Variants in BCKDHB observed in about 807,000 individuals in gnomAD.
BCKDHB encodes 2-oxoisovalerate dehydrogenase subunit beta, mitochondrial.
A neutral mutation model predicts 48.5 loss-of-function variants in BCKDHB; 41 were observed. The ratio of observed to expected loss-of-function variants is 0.85; its 90% CI spans 0.66 to 1.10. The LOEUF (loss-of-function observed/expected upper bound fraction) is 1.10, where lower values mean the gene tolerates loss of function less well. BCKDHB is among the 50% of genes least tolerant of loss of function. BCKDHB has a pLI of 0.00. For synonymous variants in BCKDHB, 201 were observed against 174.8 expected, an observed-to-expected ratio of 1.15 and a Z score of -1.18; for missense variants, 496 against 494.2, an observed-to-expected ratio of 1.00 and a Z score of -0.03.
the BCKDHB span, among the ~76,000 whole-genome samples, chr6:80,359,751 C>T: frequency 1.1e-4 from 16 of 152,022 alleles, no homozygotes; most frequent in African/African-American, 3.4e-4. Context: ...CGTGCCACCA[C>T]GCCTGGCTAA....
chr6:80,298,997 T>A (rs1582528401), intron 9 of BCKDHB, among the ~76,000 whole-genome samples: 1 of 152,148 alleles, frequency 6.6e-6, no homozygotes, highest in Non-Finnish European at 1.5e-5. Context: ...GCAAGGCAGA[T>A]TAATCCAAAG....
chr6:80,158,286 G>C (rs1479406567), intron 3 of BCKDHB, among the ~76,000 whole-genome samples: 15 of 152,074 alleles, frequency 9.9e-5, no homozygotes, highest in Non-Finnish European at 2.1e-4. Context: ...TTTGTTTCTG[G>C]TTGATTTTTA....
At chr6:80,365,115 C>G in the BCKDHB span, among the ~76,000 whole-genome samples, 1 of 152,138 alleles carries the variant, frequency 6.6e-6, no homozygotes, top group African/African-American at 2.4e-5. Flanking sequence ...AGATCACATG[C>G]TTCTGAGGGA....
chr6:80,127,021 A>C (rs532494047), intron 1 of BCKDHB, among the ~76,000 whole-genome samples: 1 of 152,282 alleles, frequency 6.6e-6, no homozygotes, highest in Non-Finnish European at 1.5e-5. Context: ...AGACAATAAG[A>C]AGGACTAAAT....
At chr6:80,254,065 C>T (rs1029229923) in intron 8 of BCKDHB, among the ~76,000 whole-genome samples, 52 of 152,022 alleles carry the variant, frequency 3.4e-4, no homozygotes, top group Non-Finnish European at 3.7e-4. Flanking sequence ...TTTATCGAGG[C>T]ATGTGCAATG....
intron 8 of BCKDHB, among the ~76,000 whole-genome samples, chr6:80,207,900 A>G (rs1774742596): frequency 6.6e-6 from 1 of 151,860 alleles, no homozygotes; most frequent in African/African-American, 2.4e-5. Context: ...AGGTATGAAC[A>G]TATTCACAGT....
intron 9 of BCKDHB, among the ~76,000 whole-genome samples, chr6:80,319,111 T>C (rs1768586967): frequency 6.6e-6 from 1 of 152,216 alleles, no homozygotes; most frequent in Non-Finnish European, 1.5e-5. Flanking sequence ...ATGACACTAC[T>C]AACCAGATAA....
At chr6:80,379,755 A>G in the BCKDHB span, among the ~76,000 whole-genome samples, 117 of 82,354 alleles carry the variant, frequency 1.4e-3, no homozygotes, top group Non-Finnish European at 1.0e-4. Flanking sequence ...AAGTCTCCGG[A>G]TACGAAATCA....
At chr6:80,322,961 T>G (rs1455343722) in intron 9 of BCKDHB, among the ~76,000 whole-genome samples, 1 of 151,598 alleles carries the variant, frequency 6.6e-6, no homozygotes, top group Admixed American at 6.6e-5. Flanking sequence ...TTAACTAATC[T>G]TGATGAATCA....
At chr6:80,415,481 G>A in the BCKDHB span, among the ~76,000 whole-genome samples, 6,152 of 152,184 alleles carry the variant, frequency 0.04, 398 homozygotes, top group African/African-American at 0.14. Flanking sequence ...TTAACATGAA[G>A]GGGTGTTGAA....
chr6:80,118,192 G>A (rs1769810407), intron 1 of BCKDHB, among the ~76,000 whole-genome samples: 1 of 152,094 alleles, frequency 6.6e-6, no homozygotes, highest in African/African-American at 2.4e-5. Flanking sequence ...CATATTGTGG[G>A]TTTGGCTCCA....
At chr6:80,363,451 G>A in the BCKDHB span, among the ~76,000 whole-genome samples, 1 of 152,240 alleles carries the variant, frequency 6.6e-6, no homozygotes, top group South Asian at 2.1e-4. Context: ...TCAAATAAAA[G>A]ATCATCAGAA....
chr6:80,437,878 T>G, the BCKDHB span, among the ~76,000 whole-genome samples: 1 of 152,250 alleles, frequency 6.6e-6, no homozygotes, highest in Non-Finnish European at 1.5e-5. Context: ...TATATTGAAT[T>G]GAAAAGTGAT....
the BCKDHB span, among the ~76,000 whole-genome samples, chr6:80,400,530 A>G: frequency 3.3e-5 from 5 of 152,094 alleles, no homozygotes; most frequent in Admixed American, 6.6e-5. Context: ...AATCCATATC[A>G]CTCTAGTCAG....
chr6:80,228,910 C>T (rs1274796251), intron 8 of BCKDHB, among the ~76,000 whole-genome samples: 1 of 152,116 alleles, frequency 6.6e-6, no homozygotes, highest in Non-Finnish European at 1.5e-5. Flanking sequence ...TCCAACCTTC[C>T]AGGGAGAGCT....
intron 1 of BCKDHB, among the ~76,000 whole-genome samples, chr6:80,113,207 A>G (rs1289354714): frequency 6.6e-6 from 1 of 152,168 alleles, no homozygotes; most frequent in African/African-American, 2.4e-5. Flanking sequence ...ACTGCAACAC[A>G]CGTAAGGATC....
chr6:80,322,896 C>CTTTTTTTTTTTTTTTTTT (rs34177726), intron 9 of BCKDHB, among the ~76,000 whole-genome samples: 27 of 115,548 alleles, frequency 2.3e-4, no homozygotes, highest in Middle Eastern at 4.8e-3. Context: ...TTTCTTTTTT[C>CTTTTTTTTTTTTTTTTTT]TTTTTTTTTT....
At chr6:80,374,635 G>A in the BCKDHB span, 2 of 513,086 alleles carry the variant, frequency 3.9e-6, no homozygotes, top group East Asian at 7.0e-5. Flanking sequence ...GGAGCATTTA[G>A]GCCATTTACA....
the BCKDHB span, among the ~76,000 whole-genome samples, chr6:80,354,189 AT>A: frequency 6.6e-6 from 1 of 151,618 alleles, no homozygotes; most frequent in South Asian, 2.1e-4. Flanking sequence ...TTTTAGTTTA[AT>A]TTAGTTTAAT....
Sources: allele counts gnomAD v4.1 joint callset (sites outside exome capture counted in the v4.1 genomes callset), GRCh38; gene constraint gnomAD v4.1.1; transcripts MANE v1.5; gene names NCBI Gene and HGNC (gene_info 2026-07-23, HGNC 2026-07-21).